Variants in CFDP1 observed in about 807,000 individuals in gnomAD.
CFDP1 encodes the protein chromatin remodeling protein CFDP1, also known as heterochromatin-stabilizing protein CFDP1.
Under a neutral mutation model 40.1 loss-of-function variants are expected in CFDP1, and 31 were observed. The ratio of observed to expected loss-of-function variants is 0.77; its 90% CI spans 0.58 to 1.04. The LOEUF (loss-of-function observed/expected upper bound fraction) is 1.04, where lower values mean the gene tolerates loss of function less well. Ranked by LOEUF, CFDP1 falls within the 50% of genes least tolerant of loss-of-function variation. The probability of loss-of-function intolerance (pLI) is 0.00; values close to 1 mark genes in which losing one functional copy is unlikely to be tolerated. For synonymous variants in CFDP1, 167 were observed against 120.0 expected (o/e 1.39, Z -2.56); for missense variants, 423 against 343.4 (o/e 1.23, Z -1.83).
rs539845925 is a variant in CFDP1, at chr16:75,393,070, C to T, written c.650+2020G>A. 4.0e-4 allele frequency among the ~76,000 whole-genome samples: 61 copies of T among 152,314 alleles called. No homozygotes were observed. The South Asian group carries it at 9.7e-3, about 24-fold the overall frequency. On this transcript the variant is annotated intron_variant, in intron 5 of 6. Transcript: ENST00000283882. ...TGAGAGCAGCATCTTACAGCAAGCA[C>T]GTGCAGCTCACAGCCTGAGGACAGA...
intron 4 of CFDP1, among the ~76,000 whole-genome samples, chr16:75,403,974 A>T (rs1014429015): frequency 6.6e-6 from 1 of 151,822 alleles, no homozygotes; most frequent in Non-Finnish European, 1.5e-5. Context: ...TTTACTAAAA[A>T]TAAAAAACTT....
At chr16:75,432,093 G>A (rs1223198020) in intron 1 of CFDP1, among the ~76,000 whole-genome samples, 3 of 151,062 alleles carry the variant, frequency 2.0e-5, no homozygotes, top group African/African-American at 4.8e-5. Flanking sequence ...TGTGTTTTTA[G>A]TACAGACGGG....
intron 4 of CFDP1, among the ~76,000 whole-genome samples, chr16:75,397,039 A>T (rs919116864): frequency 2.0e-5 from 3 of 151,786 alleles, no homozygotes; most frequent in Middle Eastern, 6.8e-3. Flanking sequence ...TCAGCCTCCC[A>T]AGCAGCTGGG....
intron 5 of CFDP1, among the ~76,000 whole-genome samples, chr16:75,359,459 A>G (rs987673873): frequency 6.6e-6 from 1 of 152,234 alleles, no homozygotes. Context: ...AAGGGTATTA[A>G]GTGCTGAATT....
intron 5 of CFDP1, among the ~76,000 whole-genome samples, chr16:75,383,925 A>G (rs1050842931): frequency 2.6e-5 from 4 of 152,104 alleles, no homozygotes; most frequent in Non-Finnish European, 4.4e-5. Flanking sequence ...ACTGAAGATT[A>G]ATTAACTTTG....
chr16:75,322,762 T>TA lies in CFDP1; in HGVS notation c.651-17581dup, dbSNP rs765926154. On this transcript the variant is annotated intron_variant, in intron 5 of 6. Transcript: ENST00000283882. ...CAACCACTAAGTAGAATACAAATATTAAAAAAAAAAAAAATCCCAAATCGG... is the reference window on the plus strand; with the variant it reads ...CAACCACTAAGTAGAATACAAATATTAAAAAAAAAAAAAAATCCCAAATCGG... Among the ~76,000 whole-genome samples the TA allele has an allele frequency of 3.9e-3, 556 of 142,534 alleles. 4 individuals are homozygous for TA. Among genetic ancestry groups the TA allele is most frequent in the African/African-American group, 9.7e-3 (378 of 39,064 alleles). 93.5% of individuals were successfully genotyped at this position (142,534 alleles called of 152,430 possible).
chr16:75,303,526 C>T (rs930942826), intron 6 of CFDP1, among the ~76,000 whole-genome samples: 1 of 126,902 alleles, frequency 7.9e-6, no homozygotes, highest in African/African-American at 2.8e-5. Flanking sequence ...AATCCTTTGT[C>T]TATCATTAAT....
chr16:75,310,457 C>CT (rs2078287894), intron 5 of CFDP1, among the ~76,000 whole-genome samples: 1 of 152,112 alleles, frequency 6.6e-6, no homozygotes. Context: ...GACAAGTCAT[C>CT]TTTTTCTTTT....
At chr16:75,296,654 G>A (rs1227205493) in intron 6 of CFDP1, among the ~76,000 whole-genome samples, 1 of 152,222 alleles carries the variant, frequency 6.6e-6, no homozygotes. Context: ...TATCAAGAGT[G>A]AAGCCCAGGT....
At position 75,349,696 on chromosome 16, in the gene CFDP1, T is replaced by TATATATATATATATATATAC. The variant is rs1209804675; in HGVS notation, c.651-44515_651-44514insGTATATATATATATATATAT. 4.2e-4 allele frequency among the ~76,000 whole-genome samples: 20 copies of TATATATATATATATATATAC among 47,946 alleles called. 1 individual carries two copies. Among genetic ancestry groups the TATATATATATATATATATAC allele is most frequent in the African/African-American group, 2.2e-3 (18 of 8,352 alleles). The allele number at this position is 47,946 out of a possible 152,430, so 31.5% of individuals were successfully genotyped here. ...AAAAAAAAAAAAAAAAAAAAATATA[T>TATATATATATATATATATAC]ATACATACATATATACGGTTGATTT... On this transcript the variant is annotated intron_variant, in intron 5 of 6. Coordinates refer to ENST00000283882, the MANE Select transcript of CFDP1 (RefSeq NM_006324.3).
chr16:75,331,834 G>C lies in CFDP1; in HGVS notation c.651-26652C>G, dbSNP rs1425581984. On this transcript the variant is annotated intron_variant, in intron 5 of 6. Transcript: ENST00000283882. ...TTCATTTCTTTTGGATGAAAACTTAGAATTGCTGGGTCATAGAGTGGGCGT... is the reference window on the plus strand; with the variant it reads ...TTCATTTCTTTTGGATGAAAACTTACAATTGCTGGGTCATAGAGTGGGCGT... Among the ~76,000 whole-genome samples the C allele has an allele frequency of 2.0e-5, 3 of 152,164 alleles. No homozygotes were observed. In the East Asian group the frequency reaches 5.8e-4, roughly 29 times the overall value.
chr16:75,397,080 ATT>A (rs1170394711), intron 4 of CFDP1, among the ~76,000 whole-genome samples: 1 of 151,816 alleles, frequency 6.6e-6, no homozygotes, highest in Non-Finnish European at 1.5e-5. Flanking sequence ...CGCCCAGCTA[ATT>A]TTTTTGTATT....
intron 5 of CFDP1, among the ~76,000 whole-genome samples, chr16:75,363,659 G>A (rs955653784): frequency 1.3e-5 from 2 of 152,112 alleles, no homozygotes; most frequent in African/African-American, 4.8e-5. Context: ...GCTTCCCAAA[G>A]TGCTGCGATT....
intron 5 of CFDP1, among the ~76,000 whole-genome samples, chr16:75,335,730 G>C (rs2078483029): frequency 6.6e-6 from 1 of 151,918 alleles, no homozygotes; most frequent in Non-Finnish European, 1.5e-5. Flanking sequence ...ATAATTTTTT[G>C]TGTTTTTAGC....
intron 5 of CFDP1, among the ~76,000 whole-genome samples, chr16:75,367,437 A>C (rs2078722642): frequency 6.6e-6 from 1 of 151,402 alleles, no homozygotes; most frequent in African/African-American, 2.4e-5. Context: ...AACTAAAAAA[A>C]AAAAAAAAAA....
At chr16:75,412,003 G>A (rs1027785082) in intron 3 of CFDP1, 51 bp from the exon 4 acceptor site, 14 of 1,537,790 alleles carry the variant, frequency 9.1e-6, no homozygotes, top group Non-Finnish European at 1.2e-5. Flanking sequence ...GAACCATATT[G>A]TTTACAGATA....
intron 4 of CFDP1, among the ~76,000 whole-genome samples, chr16:75,408,638 C>G (rs896020645): frequency 4.0e-5 from 6 of 151,488 alleles, no homozygotes; most frequent in Admixed American, 6.6e-5. Flanking sequence ...TTAGCTGGCA[C>G]GCTGGCAGGC....
At position 75,327,784 on chromosome 16, in the gene CFDP1, C is replaced by T. The variant is rs147308882; in HGVS notation, c.651-22602G>A. Among the ~76,000 whole-genome samples the T allele has an allele frequency of 1.2e-3, 183 of 152,244 alleles. 5 individuals are homozygous for T. The highest frequency in any genetic ancestry group is 3.4e-3 in the Middle Eastern group (1 of 294). On this transcript the variant is annotated intron_variant, in intron 5 of 6. Coordinates refer to ENST00000283882, the MANE Select transcript of CFDP1 (RefSeq NM_006324.3). The stretch of plus-strand genomic sequence containing the variant: ...TGTCGCCCAGGCTGGAGTGCAATGG[C>T]GCGTTCTTGGCTCACTGCAAGCTCT...
intron 1 of CFDP1, among the ~76,000 whole-genome samples, chr16:75,431,473 A>AAAAAG (rs1002769443): frequency 4.1e-5 from 6 of 146,258 alleles, no homozygotes; most frequent in African/African-American, 7.9e-5. Flanking sequence ...AAAAAAAAAA[A>AAAAAG]AAAAGAAAAG....
Sources: gnomAD v4.1 joint callset for allele counts (sites outside exome capture counted in the v4.1 genomes callset) on GRCh38, gnomAD v4.1.1 for gene constraint, MANE v1.5 for transcripts, NCBI Gene and HGNC (gene_info 2026-07-23, HGNC 2026-07-21) for gene names.